PLD5: variants seen among roughly 807,000 people sequenced by gnomAD.
PLD5 encodes inactive phospholipase D5.
In PLD5, 36 loss-of-function variants were observed where a neutral mutation model predicts 61.1. The observed-to-expected ratio is 0.59, with a 90% confidence interval of 0.45 to 0.78. The LOEUF (loss-of-function observed/expected upper bound fraction) is 0.78. Among genes scored for constraint, PLD5 ranks in the 30% least tolerant of loss-of-function variants. PLD5 has a pLI of 0.00. For missense variants in PLD5, 515 were observed against 644.4 expected, an observed-to-expected ratio of 0.80 and a Z score of 2.17; for synonymous variants, 243 against 242.8, an observed-to-expected ratio of 1.00 and a Z score of -0.01.
chr1:242,163,624 G>A (rs1288641626), intron 5 of PLD5, among the ~76,000 whole-genome samples: 6 of 152,186 alleles, frequency 3.9e-5, no homozygotes, highest in Non-Finnish European at 7.4e-5. Context: ...GGACAATGAT[G>A]TCACTGCTGT....
At chr1:242,112,897 G>A (rs924194890) in intron 7 of PLD5, among the ~76,000 whole-genome samples, 7 of 152,148 alleles carry the variant, frequency 4.6e-5, no homozygotes, top group Non-Finnish European at 8.8e-5. Flanking sequence ...GCATGGCCAC[G>A]CATTTATGCA....
intron 3 of PLD5, among the ~76,000 whole-genome samples, chr1:242,279,577 A>T (rs1346790628): frequency 2.6e-5 from 4 of 151,608 alleles, no homozygotes; most frequent in Non-Finnish European, 4.4e-5. Flanking sequence ...CTGTGTCACC[A>T]GGCTGTAGAG....
intron 1 of PLD5, among the ~76,000 whole-genome samples, chr1:242,415,217 G>T (rs539472513): frequency 6.6e-6 from 1 of 152,146 alleles, no homozygotes; most frequent in African/African-American, 2.4e-5. Context: ...CTATGTATGC[G>T]TTTAGCCTCT....
intron 1 of PLD5, among the ~76,000 whole-genome samples, chr1:242,441,966 G>T (rs1666296184): frequency 6.6e-6 from 1 of 152,178 alleles, no homozygotes; most frequent in Admixed American, 6.5e-5. Flanking sequence ...TCTGCTATTT[G>T]CAGCTGTTTC....
chr1:242,410,618 A>G, intron 1 of PLD5, among the ~76,000 whole-genome samples: 1 of 152,080 alleles, frequency 6.6e-6, no homozygotes, highest in East Asian at 1.9e-4. Flanking sequence ...CCCACTGAAC[A>G]TTCATCAGCA....
chr1:242,310,375 G>C (rs1353593250), intron 2 of PLD5, among the ~76,000 whole-genome samples: 3 of 152,070 alleles, frequency 2.0e-5, no homozygotes, highest in Admixed American at 1.3e-4. Flanking sequence ...TTCTTTTCTA[G>C]CATACTTAAT....
At chr1:242,450,392 T>A (rs769628138) in intron 1 of PLD5, among the ~76,000 whole-genome samples, 1 of 152,226 alleles carries the variant, frequency 6.6e-6, no homozygotes, top group Non-Finnish European at 1.5e-5. Flanking sequence ...CTAGAATATT[T>A]ACTAGCTGAG....
chr1:242,465,270 G>A (rs1351061816), intron 1 of PLD5, among the ~76,000 whole-genome samples: 1 of 152,120 alleles, frequency 6.6e-6, no homozygotes, highest in Non-Finnish European at 1.5e-5. Context: ...ATATCCAGAA[G>A]CCGAACCTTT....
At chr1:242,278,089 G>A (rs1674511915) in intron 3 of PLD5, among the ~76,000 whole-genome samples, 1 of 151,858 alleles carries the variant, frequency 6.6e-6, no homozygotes, top group African/African-American at 2.4e-5. Context: ...TTTTGTTGGC[G>A]GCCATTTGGA....
intron 1 of PLD5, among the ~76,000 whole-genome samples, chr1:242,487,909 A>G (rs1486068099): frequency 6.6e-6 from 1 of 152,160 alleles, no homozygotes; most frequent in Non-Finnish European, 1.5e-5. Context: ...TATTGTATGT[A>G]CATGTATGTA....
At chr1:242,448,030 A>ATTATTTAT (rs538224233) in intron 1 of PLD5, among the ~76,000 whole-genome samples, 6 of 152,146 alleles carry the variant, frequency 3.9e-5, no homozygotes, top group African/African-American at 1.4e-4. Flanking sequence ...AGATATGTGC[A>ATTATTTAT]TTATTTATTT....
intron 2 of PLD5, among the ~76,000 whole-genome samples, chr1:242,308,213 C>G (rs549726431): frequency 2.0e-5 from 3 of 151,948 alleles, no homozygotes; most frequent in Non-Finnish European, 4.4e-5. Context: ...TATATTTGCT[C>G]TCATTACAAC....
chr1:242,097,018 T>C (rs1433643037), intron 9 of PLD5, among the ~76,000 whole-genome samples: 1 of 151,946 alleles, frequency 6.6e-6, no homozygotes, highest in African/African-American at 2.4e-5. Flanking sequence ...TTTGTCCTTG[T>C]GATAGTTTGC....
chr1:242,247,429 T>C (rs879689551), intron 4 of PLD5, among the ~76,000 whole-genome samples: 4 of 152,234 alleles, frequency 2.6e-5, no homozygotes, highest in Non-Finnish European at 4.4e-5. Context: ...CACATTATAC[T>C]GGGTCATTAC....
chr1:242,415,097 G>A (rs939971758), intron 1 of PLD5, among the ~76,000 whole-genome samples: 2 of 152,294 alleles, frequency 1.3e-5, no homozygotes, highest in African/African-American at 2.4e-5. Context: ...AAAGTTTAGC[G>A]ACACACTGTT....
chr1:242,271,807 G>T (rs1040251092), intron 3 of PLD5, among the ~76,000 whole-genome samples: 1 of 151,964 alleles, frequency 6.6e-6, no homozygotes, highest in Non-Finnish European at 1.5e-5. Context: ...AATACGATAT[G>T]TACATGTGTT....
At chr1:242,222,722 C>T (rs1425490407) in intron 4 of PLD5, among the ~76,000 whole-genome samples, 4 of 150,182 alleles carry the variant, frequency 2.7e-5, no homozygotes, top group Non-Finnish European at 4.5e-5. Flanking sequence ...CTCCATCCCA[C>T]ACCCCATCTA....
Position 242,429,403 on chromosome 1 carries a change from T to A in PLD5, c.190-81161A>T, listed in dbSNP as rs183987593. ...AACAATAGAAATAATCTTTTTAAAATTTTTTTTAATTTTTAATACTTTTTT... is the reference window on the plus strand; with the variant it reads ...AACAATAGAAATAATCTTTTTAAAAATTTTTTTAATTTTTAATACTTTTTT... On this transcript the variant is annotated intron_variant, in intron 1 of 9. Transcript: ENST00000536534. 3.2e-3 allele frequency among the ~76,000 whole-genome samples: 487 copies of A among 152,240 alleles called. 2 individuals carry two copies. The highest frequency in any genetic ancestry group is 0.011 in the African/African-American group (466 of 41,560).
At chr1:242,432,621 TCTC>T (rs1665780348) in intron 1 of PLD5, among the ~76,000 whole-genome samples, 1 of 152,128 alleles carries the variant, frequency 6.6e-6, no homozygotes, top group African/African-American at 2.4e-5. Context: ...CAAATGAAAT[TCTC>T]CTCTTTATCC....
Sources: gnomAD v4.1 joint callset for allele counts (sites outside exome capture counted in the v4.1 genomes callset) on GRCh38, gnomAD v4.1.1 for gene constraint, MANE v1.5 for transcripts, NCBI Gene and HGNC (gene_info 2026-07-23, HGNC 2026-07-21) for gene names.